The following CLNK variants were observed in gnomAD, a reference collection of about 807,000 sequenced individuals.
CLNK encodes cytokine-dependent hematopoietic cell linker.
In CLNK, 74 loss-of-function variants were observed where a neutral mutation model predicts 68.6. That is an observed-to-expected ratio of 1.08 (90% CI 0.89 to 1.31). The LOEUF (loss-of-function observed/expected upper bound fraction) is 1.31, where lower values mean the gene tolerates loss of function less well. CLNK is among the 50% of genes most tolerant of loss of function. The pLI, the probability that CLNK is intolerant of heterozygous loss-of-function variation, is 0.00. For missense variants in CLNK, 553 were observed against 515.3 expected (o/e 1.07, Z -0.71); for synonymous variants, 198 against 172.2 (o/e 1.15, Z -1.17).
intron 7 of CLNK, among the ~76,000 whole-genome samples, chr4:10,563,427 T>C (rs1366880124): frequency 6.6e-6 from 1 of 152,244 alleles, no homozygotes; most frequent in Non-Finnish European, 1.5e-5. Context: ...ATGTCTTCAC[T>C]CAATGGTTTA....
chr4:10,555,272 T>C (rs1719620093), intron 8 of CLNK, among the ~76,000 whole-genome samples: 1 of 152,192 alleles, frequency 6.6e-6, no homozygotes, highest in African/African-American at 2.4e-5. Flanking sequence ...ATGGTATGCT[T>C]GTCACCTCAA....
At chr4:10,699,466 G>GTCTCTGTCTC in the CLNK span, among the ~76,000 whole-genome samples, 119 of 60,536 alleles carry the variant, frequency 2.0e-3, 1 homozygote, top group Non-Finnish European at 2.2e-3. Flanking sequence ...CATCCTCTCT[G>GTCTCTGTCTC]TCTCTCTCTC....
intron 17 of CLNK, among the ~76,000 whole-genome samples, chr4:10,504,784 A>G (rs774665034): frequency 1.1e-4 from 16 of 152,234 alleles, no homozygotes; most frequent in Non-Finnish European, 2.4e-4. Context: ...AAATCTGAGT[A>G]ATGCTGAAAT....
At chr4:10,506,588 A>C (rs1200407778) in intron 17 of CLNK, among the ~76,000 whole-genome samples, 2 of 152,222 alleles carry the variant, frequency 1.3e-5, no homozygotes, top group African/African-American at 4.8e-5. Flanking sequence ...ACCTTGATTA[A>C]GGAGATAAAC....
intron 17 of CLNK, among the ~76,000 whole-genome samples, chr4:10,503,367 C>G (rs1187718269): frequency 6.6e-6 from 1 of 151,586 alleles, no homozygotes; most frequent in Non-Finnish European, 1.5e-5. Context: ...GAGGCTGAGG[C>G]AGGAGAATCG....
intron 16 of CLNK, among the ~76,000 whole-genome samples, chr4:10,512,625 G>A (rs1040797779): frequency 6.6e-6 from 1 of 151,968 alleles, no homozygotes; most frequent in Non-Finnish European, 1.5e-5. Flanking sequence ...TAACAAAAGA[G>A]CTTTAGGATA....
chr4:10,578,716 G>A (rs1720669657), intron 4 of CLNK, among the ~76,000 whole-genome samples: 1 of 150,354 alleles, frequency 6.7e-6, no homozygotes, highest in African/African-American at 2.4e-5. Context: ...AGCCTCCTGA[G>A]CAGCACCACC....
the CLNK span, among the ~76,000 whole-genome samples, chr4:10,719,249 A>G: frequency 2.6e-5 from 4 of 152,158 alleles, no homozygotes; most frequent in Non-Finnish European, 4.4e-5. Context: ...TAAAAGACAG[A>G]TATTAGCAGA....
the CLNK span, among the ~76,000 whole-genome samples, chr4:10,715,453 A>G: frequency 2.6e-5 from 4 of 152,232 alleles, no homozygotes; most frequent in East Asian, 5.8e-4. Context: ...AATATGGATA[A>G]TAGTCTTTGC....
intron 8 of CLNK, among the ~76,000 whole-genome samples, chr4:10,551,055 G>A (rs1719432034): frequency 6.6e-6 from 1 of 152,096 alleles, no homozygotes; most frequent in Admixed American, 6.6e-5. Flanking sequence ...ATTTCATCGT[G>A]CCGCTCAGAA....
intron 2 of CLNK, among the ~76,000 whole-genome samples, chr4:10,613,046 CT>C (rs1363940994): frequency 1.3e-5 from 2 of 152,102 alleles, no homozygotes; most frequent in Non-Finnish European, 2.9e-5. Flanking sequence ...GAGAATTACT[CT>C]CAGTGCTCAA....
intron 1 of CLNK, among the ~76,000 whole-genome samples, chr4:10,670,121 CTG>C (rs1724571393): frequency 6.6e-6 from 1 of 152,166 alleles, no homozygotes; most frequent in African/African-American, 2.4e-5. Context: ...GTGAAATAAA[CTG>C]AAACATATGA....
intron 8 of CLNK, among the ~76,000 whole-genome samples, chr4:10,556,673 G>A (rs1179988596): frequency 2.6e-5 from 4 of 152,192 alleles, no homozygotes; most frequent in South Asian, 2.1e-4. Flanking sequence ...ACAGATGATT[G>A]TGGTCTGGTC....
the CLNK span, among the ~76,000 whole-genome samples, chr4:10,712,897 C>T: frequency 0.32 from 49,150 of 152,012 alleles, 8,355 homozygotes; most frequent in African/African-American, 0.41. Context: ...GGTCCTATGA[C>T]CCCCACCAGA....
intron 2 of CLNK, among the ~76,000 whole-genome samples, chr4:10,638,139 C>T (rs573332488): frequency 3.9e-4 from 59 of 152,310 alleles, no homozygotes; most frequent in African/African-American, 1.3e-3. Context: ...TGACATTCAG[C>T]CTGTGTCTGC....
intron 1 of CLNK, among the ~76,000 whole-genome samples, chr4:10,679,191 G>A (rs1463010006): frequency 6.6e-6 from 1 of 152,174 alleles, no homozygotes; most frequent in African/African-American, 2.4e-5. Flanking sequence ...GAACAGAACA[G>A]AGCCCTCAGA....
At position 10,520,680 on chromosome 4, in the gene CLNK, T is replaced by C. The variant is rs1577103200; in HGVS notation, c.772+111A>G. The C allele has an allele frequency of 1.1e-5, 8 of 737,678 alleles. No homozygotes were observed. In the East Asian group the frequency reaches 1.9e-4, roughly 17 times the overall value. The allele number at this position is 737,678 out of a possible 1,614,324, so 45.7% of individuals were successfully genotyped here. A position where few individuals can be genotyped will look rare whatever the true frequency, so the allele number is the denominator to read the frequency against. Reference sequence around the variant, plus strand: ...GCAATGGAAATGAGCTAATTACATCTGTACACATCAGCTCAGTGGCTCTGG... The same window carrying C: ...GCAATGGAAATGAGCTAATTACATCCGTACACATCAGCTCAGTGGCTCTGG... On this transcript the variant is annotated intron_variant, in intron 15 of 18. Transcript: ENST00000226951.
At chr4:10,724,309 A>C in the CLNK span, among the ~76,000 whole-genome samples, 1 of 152,000 alleles carries the variant, frequency 6.6e-6, no homozygotes, top group African/African-American at 2.4e-5. Context: ...GTTGTTGCTC[A>C]CATGTCCCGC....
At chr4:10,565,610 T>C (rs906324017) in intron 6 of CLNK, among the ~76,000 whole-genome samples, 2 of 152,168 alleles carry the variant, frequency 1.3e-5, no homozygotes, top group African/African-American at 4.8e-5. Flanking sequence ...CTCCCCTCTA[T>C]GCAGACCTCA....
Sources: allele counts gnomAD v4.1 joint callset (sites outside exome capture counted in the v4.1 genomes callset), GRCh38; gene constraint gnomAD v4.1.1; transcripts MANE v1.5; gene names NCBI Gene and HGNC (gene_info 2026-07-23, HGNC 2026-07-21).